RHBDL3: variants seen among roughly 807,000 people sequenced by gnomAD.
RHBDL3 encodes the protein rhomboid-related protein 3.
In RHBDL3, 28 loss-of-function variants were observed where a neutral mutation model predicts 48.2. That is an observed-to-expected ratio of 0.58 (90% confidence interval 0.43 to 0.80). The LOEUF (loss-of-function observed/expected upper bound fraction) is 0.80, where lower values mean the gene tolerates loss of function less well. RHBDL3 is among the 30% of genes least tolerant of loss of function. The pLI is 0.00. For missense variants in RHBDL3, 464 were observed against 542.7 expected, an observed-to-expected ratio of 0.85 and a Z score of 1.44; for synonymous variants, 208 against 232.3, an observed-to-expected ratio of 0.90 and a Z score of 0.95.
intron 2 of RHBDL3, among the ~76,000 whole-genome samples, chr17:32,282,042 A>C (rs901864576): frequency 5.9e-5 from 9 of 152,246 alleles, no homozygotes; most frequent in African/African-American, 2.2e-4. Context: ...CATGGATAGG[A>C]TCTGCTACAT....
At chr17:32,296,488 A>T (rs2040453765) in intron 5 of RHBDL3, among the ~76,000 whole-genome samples, 1 of 151,122 alleles carries the variant, frequency 6.6e-6, no homozygotes, top group Non-Finnish European at 1.5e-5. Context: ...GGTGCATGCC[A>T]CCACTCCCAG....
At chr17:32,302,466 T>C (rs1022528094) in intron 6 of RHBDL3, among the ~76,000 whole-genome samples, 2 of 152,022 alleles carry the variant, frequency 1.3e-5, no homozygotes, top group African/African-American at 4.8e-5. Flanking sequence ...AAGCGATTCT[T>C]GTGCCTCAGC....
chr17:32,310,311 G>A (rs1356151914), intron 7 of RHBDL3, among the ~76,000 whole-genome samples: 1 of 152,152 alleles, frequency 6.6e-6, no homozygotes, highest in African/African-American at 2.4e-5. Flanking sequence ...GCCGGGCGTG[G>A]TGGCTCATGC....
At chr17:32,293,351 G>A (rs1424954895) in intron 4 of RHBDL3, among the ~76,000 whole-genome samples, 1 of 152,122 alleles carries the variant, frequency 6.6e-6, no homozygotes, top group African/African-American at 2.4e-5. Context: ...GGAGGCCGAG[G>A]TGGGCAGGTC....
At chr17:32,283,766 A>G (rs569508991) in intron 2 of RHBDL3, among the ~76,000 whole-genome samples, 1 of 152,242 alleles carries the variant, frequency 6.6e-6, no homozygotes, top group Non-Finnish European at 1.5e-5. Flanking sequence ...AGTACCGGGG[A>G]TAAGTTGTGA....
At chr17:32,298,057 T>C (rs763303107) in intron 5 of RHBDL3, 35 bp from the exon 6 acceptor site, 6 of 1,358,622 alleles carry the variant, frequency 4.4e-6, no homozygotes, top group African/African-American at 4.3e-5. Context: ...AATGAATGAA[T>C]AGATGAATGA....
At chr17:32,270,716 A>G (rs2039751777) in intron 2 of RHBDL3, among the ~76,000 whole-genome samples, 1 of 152,112 alleles carries the variant, frequency 6.6e-6, no homozygotes, top group Non-Finnish European at 1.5e-5. Flanking sequence ...AAGTTGCAGC[A>G]GGTGGGAGAC....
At chr17:32,314,104 G>A (rs866468933) in intron 7 of RHBDL3, among the ~76,000 whole-genome samples, 2 of 151,924 alleles carry the variant, frequency 1.3e-5, no homozygotes, top group Admixed American at 6.6e-5. Flanking sequence ...AGGTGACAAC[G>A]TTATCCTGCC....
intron 6 of RHBDL3, among the ~76,000 whole-genome samples, chr17:32,300,213 A>G (rs1461431368): frequency 6.6e-6 from 1 of 152,178 alleles, no homozygotes; most frequent in Non-Finnish European, 1.5e-5. Context: ...GACGAGAACC[A>G]AAAGGTGGTC....
chr17:32,285,790 G>A (rs1482109757), intron 3 of RHBDL3, among the ~76,000 whole-genome samples: 10 of 152,138 alleles, frequency 6.6e-5, no homozygotes, highest in East Asian at 1.9e-4. Context: ...TGTGTGAAGC[G>A]CCCCAGACTC....
At chr17:32,283,477 C>T (rs1327797705) in intron 2 of RHBDL3, among the ~76,000 whole-genome samples, 5 of 151,758 alleles carry the variant, frequency 3.3e-5, no homozygotes, top group Non-Finnish European at 7.4e-5. Context: ...GCGCACACCA[C>T]CACGCCCGGC....
intron 5 of RHBDL3, among the ~76,000 whole-genome samples, chr17:32,297,201 C>T (rs916268055): frequency 1.2e-4 from 18 of 151,826 alleles, no homozygotes; most frequent in Non-Finnish European, 2.1e-4. Flanking sequence ...GGCGCAGTGG[C>T]TCATGCCTGT....
At chr17:32,314,776 C>T (rs2040930956) in intron 7 of RHBDL3, among the ~76,000 whole-genome samples, 1 of 152,200 alleles carries the variant, frequency 6.6e-6, no homozygotes, top group Admixed American at 6.5e-5. Flanking sequence ...ACTGAGCCAG[C>T]TCAGATTGGG....
At chr17:32,311,852 T>C (rs1038569149) in intron 7 of RHBDL3, among the ~76,000 whole-genome samples, 2 of 152,190 alleles carry the variant, frequency 1.3e-5, no homozygotes, top group South Asian at 4.1e-4. Context: ...TATTAATTCA[T>C]TTCATTCTCA....
intron 1 of RHBDL3, 114 bp from the exon 2 acceptor site, chr17:32,267,788 C>T (rs1431331020): frequency 7.0e-6 from 11 of 1,578,764 alleles, no homozygotes; most frequent in Non-Finnish European, 9.5e-6. Context: ...GACTCCTGGG[C>T]AGCCGCTGGG....
intron 4 of RHBDL3, among the ~76,000 whole-genome samples, chr17:32,289,807 G>A (rs911254362): frequency 6.6e-6 from 1 of 152,108 alleles, no homozygotes; most frequent in Non-Finnish European, 1.5e-5. Context: ...TATGATCTCC[G>A]CTGTTTCTCT....
chr17:32,272,088 CTA>C (rs1489146393), intron 2 of RHBDL3, among the ~76,000 whole-genome samples: 1 of 152,192 alleles, frequency 6.6e-6, no homozygotes, highest in African/African-American at 2.4e-5. Context: ...TTCAGGGTGA[CTA>C]TGAGAATTAA....
At chr17:32,267,968 GA>G (rs760378746) in intron 2 of RHBDL3, 43 bp downstream of exon 2, 1 of 1,502,164 alleles carries the variant, frequency 6.7e-7, no homozygotes, top group South Asian at 1.1e-5. Context: ...AGCCCTCCCT[GA>G]AATCGGTCTC....
chr17:32,266,290 C>A lies in RHBDL3; in HGVS notation c.101C>A (p.Ala34Glu). The A allele has an allele frequency of 6.8e-7, 1 of 1,460,838 alleles. No individual in the cohort carries two copies. Among genetic ancestry groups the A allele is most frequent in the Non-Finnish European group, 9.0e-7 (1 of 1,111,308 alleles). The allele number at this position is 1,460,838 out of a possible 1,614,324, so 90.5% of individuals were successfully genotyped here. ...EPEAEERLPA[A>E]PEDHWKVLFD... is the part of the protein sequence containing the mutation. ...GAGGCCGAGGAGCGGCTGCCCGCGG[C>A]GCCGGAGGACGTGAGTGCCCCCTCC... The change falls in exon 1 of 9, where the codon GCG (alanine) becomes GAG (glutamate). Residue 34 changes from alanine to glutamate, a missense_variant. By Grantham distance (107) the Ala-to-Glu change is moderately radical (BLOSUM62 -1). Coordinates refer to ENST00000269051, the MANE Select transcript of RHBDL3 (RefSeq NM_138328.3).
Sources: allele counts gnomAD v4.1 joint callset (sites outside exome capture counted in the v4.1 genomes callset), GRCh38; gene constraint gnomAD v4.1.1; transcripts MANE v1.5; gene names NCBI Gene and HGNC (gene_info 2026-07-23, HGNC 2026-07-21).